GPHN: variants seen among roughly 807,000 people sequenced by gnomAD.
GPHN encodes gephyrin.
GPHN carries 17 observed loss-of-function variants against 95.5 expected under a neutral mutation model. That is an observed-to-expected ratio of 0.18 (90% confidence interval 0.12 to 0.27). The LOEUF is 0.27. GPHN is among the 10% of genes least tolerant of loss of function. The pLI, the probability that GPHN is intolerant of heterozygous loss-of-function variation, is 1.00. For missense variants in GPHN, 660 were observed against 978.1 expected, an observed-to-expected ratio of 0.67 and a Z score of 4.34; for synonymous variants, 320 against 322.5, an observed-to-expected ratio of 0.99 and a Z score of 0.08.
At chr14:67,093,666 G>A (rs1299570144) in intron 12 of GPHN, among the ~76,000 whole-genome samples, 1 of 151,958 alleles carries the variant, frequency 6.6e-6, no homozygotes, top group African/African-American at 2.4e-5. Flanking sequence ...ATTTTCCCTG[G>A]AAGATAATGG....
chr14:67,716,039 CA>C, the GPHN span, among the ~76,000 whole-genome samples: 1 of 151,342 alleles, frequency 6.6e-6, no homozygotes, highest in Admixed American at 6.6e-5. Flanking sequence ...ACTAAAAATA[CA>C]AAAAAAATTA....
chr14:66,704,743 A>G (rs1028413583), intron 2 of GPHN, among the ~76,000 whole-genome samples: 3 of 152,156 alleles, frequency 2.0e-5, no homozygotes, highest in African/African-American at 7.2e-5. Flanking sequence ...TATCGTCACA[A>G]TTTAAAAGAG....
intron 1 of GPHN, among the ~76,000 whole-genome samples, chr14:66,622,206 G>A (rs1217096093): frequency 1.3e-5 from 2 of 152,118 alleles, no homozygotes; most frequent in East Asian, 3.9e-4. Flanking sequence ...CAAGGCCTGG[G>A]GCTTGAACCC....
chr14:67,016,989 G>A (rs1335982127), intron 9 of GPHN, among the ~76,000 whole-genome samples: 1 of 152,004 alleles, frequency 6.6e-6, no homozygotes, highest in African/African-American at 2.4e-5. Flanking sequence ...TATTATGGAT[G>A]AGGAAATTAA....
At chr14:67,318,322 A>T in the GPHN span, among the ~76,000 whole-genome samples, 1 of 145,376 alleles carries the variant, frequency 6.9e-6, no homozygotes, top group African/African-American at 2.7e-5. Context: ...ACTTTAATAA[A>T]TTTTTTTCTA....
At chr14:67,198,974 G>A in the GPHN span, 2 of 703,546 alleles carry the variant, frequency 2.8e-6, no homozygotes, top group Non-Finnish European at 5.2e-6. Context: ...CATTCGAGAA[G>A]CTGCTCAGCT....
rs117864921 is a variant in GPHN at position 66,964,719 on chromosome 14, C to T, written c.829-472C>T. On this transcript the variant is annotated intron_variant, in intron 8 of 22. Transcript: ENST00000478722. The stretch of plus-strand genomic sequence containing the variant: ...AATGCCAGATCTTACCCTATCCCAA[C>T]TCAGTCTTCTGCCAGTGCCTTTCAC... Among the ~76,000 whole-genome samples, 1,203 of 152,266 alleles carry T rather than the reference C, an allele frequency of 7.9e-3. 6 individuals carry two copies. Among genetic ancestry groups the T allele is most frequent in the Non-Finnish European group, 0.012 (811 of 68,006 alleles).
the GPHN span, among the ~76,000 whole-genome samples, chr14:67,655,837 A>C: frequency 6.6e-6 from 1 of 152,192 alleles, no homozygotes; most frequent in Non-Finnish European, 1.5e-5. Context: ...GTAAGTGTAG[A>C]AATCAGGTCC....
chr14:67,326,779 G>A, the GPHN span, among the ~76,000 whole-genome samples: 1 of 152,184 alleles, frequency 6.6e-6, no homozygotes, highest in African/African-American at 2.4e-5. Context: ...AGATTGATCT[G>A]TGTTGCATCT....
the GPHN span, among the ~76,000 whole-genome samples, chr14:67,357,921 C>G: frequency 6.6e-6 from 1 of 152,154 alleles, no homozygotes; most frequent in Admixed American, 6.5e-5. Flanking sequence ...AAATGGCTCT[C>G]AAAGATACTT....
chr14:67,131,102 G>A (rs1220174911), intron 17 of GPHN, among the ~76,000 whole-genome samples: 1 of 152,066 alleles, frequency 6.6e-6, no homozygotes, highest in Non-Finnish European at 1.5e-5. Context: ...ATGTAGATGG[G>A]TAAATAAGTA....
intron 1 of GPHN, among the ~76,000 whole-genome samples, chr14:66,530,929 A>G (rs1358679135): frequency 6.8e-6 from 1 of 146,230 alleles, no homozygotes; most frequent in Non-Finnish European, 1.5e-5. Flanking sequence ...AACTCAGCCC[A>G]CTGTTTTCTT....
intron 1 of GPHN, among the ~76,000 whole-genome samples, chr14:66,669,102 G>A (rs1308859425): frequency 6.6e-6 from 1 of 151,978 alleles, no homozygotes; most frequent in African/African-American, 2.4e-5. Context: ...GGTGGCTCAC[G>A]CCTGTAATCC....
intron 1 of GPHN, among the ~76,000 whole-genome samples, chr14:66,615,634 A>G (rs1320109979): frequency 2.6e-5 from 4 of 151,978 alleles, no homozygotes; most frequent in African/African-American, 9.7e-5. Flanking sequence ...TCCAATGTGT[A>G]GATTGCAAAA....
the GPHN span, among the ~76,000 whole-genome samples, chr14:67,407,282 T>G: frequency 6.6e-6 from 1 of 151,942 alleles, no homozygotes; most frequent in Non-Finnish European, 1.5e-5. Context: ...TCACCACACC[T>G]GGCTAATTTT....
At chr14:67,005,634 C>T (rs1439656750) in intron 9 of GPHN, among the ~76,000 whole-genome samples, 1 of 151,830 alleles carries the variant, frequency 6.6e-6, no homozygotes, top group African/African-American at 2.4e-5. Context: ...ACTCATGTTT[C>T]ATTTTTCAGT....
At chr14:66,608,056 T>G (rs2062623234) in intron 1 of GPHN, among the ~76,000 whole-genome samples, 1 of 143,750 alleles carries the variant, frequency 7.0e-6, no homozygotes, top group African/African-American at 2.5e-5. Context: ...TTTTTTTTTC[T>G]AGTTCCTCTA....
At chr14:66,943,569 G>T (rs1192693895) in intron 8 of GPHN, among the ~76,000 whole-genome samples, 2 of 152,146 alleles carry the variant, frequency 1.3e-5, no homozygotes, top group Non-Finnish European at 2.9e-5. Context: ...ATATTTTAAT[G>T]ACATCTGCTT....
At chr14:66,509,792 G>A (rs2057965290) in intron 1 of GPHN, among the ~76,000 whole-genome samples, 1 of 151,992 alleles carries the variant, frequency 6.6e-6, no homozygotes, top group South Asian at 2.1e-4. Context: ...CTGACAGGTC[G>A]AGACGGTGCT....
Sources: allele counts gnomAD v4.1 joint callset (sites outside exome capture counted in the v4.1 genomes callset), GRCh38; gene constraint gnomAD v4.1.1; transcripts MANE v1.5; gene names NCBI Gene and HGNC (gene_info 2026-07-23, HGNC 2026-07-21).